Variants in STRADA observed in about 807,000 individuals in gnomAD.
The protein encoded by STRADA is STE20-related kinase adapter protein alpha.
STRADA carries 26 observed loss-of-function variants against 55.0 expected under a neutral mutation model. The observed-to-expected ratio is 0.47, with a 90% CI of 0.35 to 0.66. The LOEUF (loss-of-function observed/expected upper bound fraction) is 0.66, where lower values mean the gene tolerates loss of function less well. Ranked by LOEUF, STRADA falls within the 30% of genes least tolerant of loss-of-function variation. STRADA has a pLI of 0.01. For missense variants in STRADA, 443 were observed against 549.7 expected, an observed-to-expected ratio of 0.81 and a Z score of 1.94; for synonymous variants, 197 against 210.9, an observed-to-expected ratio of 0.93 and a Z score of 0.57.
At chr17:63,713,560 C>T in intron 5 of STRADA, 33 bp from the exon 6 acceptor site, 1 of 1,598,278 alleles carries the variant, frequency 6.3e-7, no homozygotes, top group Non-Finnish European at 8.5e-7. Context: ...TACGCAAGGA[C>T]AAGAACAACA....
Position 63,703,291 on chromosome 17 carries a change from C to A in STRADA, c.*308G>T. On this transcript the variant is annotated 3_prime_UTR_variant, in exon 13 of 13. Coordinates refer to ENST00000336174, the MANE Select transcript of STRADA (RefSeq NM_001003787.4). ...GGAGCCAAACCCTGGGCTTGGAATT[C>A]AGCTCCCAGGGCCAGAGCAGCATCT... 1 of 260,670 alleles carries A rather than the reference C, an allele frequency of 3.8e-6. No individual in the cohort carries two copies. Among genetic ancestry groups the A allele is most frequent in the Non-Finnish European group, 7.4e-6 (1 of 135,386 alleles). The allele number at this position is 260,670 out of a possible 1,614,324, so 16.1% of individuals were successfully genotyped here.
chr17:63,740,127 T>TATATATATATACAC (rs1246578359), intron 1 of STRADA, among the ~76,000 whole-genome samples: 1 of 53,162 alleles, frequency 1.9e-5, no homozygotes, highest in Non-Finnish European at 3.3e-5. Context: ...CATATATATA[T>TATATATATATACAC]ACACATACAT....
At chr17:63,740,271 G>A (rs1387728986) in intron 1 of STRADA, among the ~76,000 whole-genome samples, 1 of 151,300 alleles carries the variant, frequency 6.6e-6, no homozygotes, top group Non-Finnish European at 1.5e-5. Flanking sequence ...AGCACTTTGG[G>A]AGGTCGAGGC....
intron 4 of STRADA, among the ~76,000 whole-genome samples, chr17:63,721,768 G>T (rs1421915093): frequency 6.6e-6 from 1 of 151,588 alleles, no homozygotes; most frequent in Non-Finnish European, 1.5e-5. Flanking sequence ...CTGGCAATAT[G>T]AGCTCACAGG....
At position 63,707,381 on chromosome 17, in the gene STRADA, C is replaced by G. The variant is rs745739301; in HGVS notation, c.619G>C (p.Gly207Arg). The change falls in exon 9 of 13, where the codon GGG (glycine) becomes CGG (arginine). Residue 207 changes from glycine to arginine, a missense_variant. By Grantham distance (125) the Gly-to-Arg change is moderately radical (BLOSUM62 -2). Transcript: ENST00000336174. ...KASHILISVD[G>R]KVYLSGLRSN... ...CGCAAACCAGACAGGTAGACCTTCC[C>G]ATCCACAGAGATCAGGATGTGGCTG... The G allele has an allele frequency of 3.1e-6, 5 of 1,614,154 alleles. No homozygotes were observed. In the East Asian group the frequency reaches 8.9e-5, roughly 29 times the overall value.
At chr17:63,730,706 GCAC>G (rs936936464) in intron 1 of STRADA, among the ~76,000 whole-genome samples, 4 of 151,868 alleles carry the variant, frequency 2.6e-5, no homozygotes, top group African/African-American at 9.7e-5. Flanking sequence ...ATAGGTACGC[GCAC>G]CACTACACCT....
chr17:63,734,998 A>G (rs1163206641), intron 1 of STRADA, among the ~76,000 whole-genome samples: 1 of 152,144 alleles, frequency 6.6e-6, no homozygotes, highest in Non-Finnish European at 1.5e-5. Context: ...TCTCTAATAA[A>G]AAATATAAAA....
At chr17:63,713,298 A>G (rs2036629217) in intron 6 of STRADA, 108 bp downstream of exon 6, 3 of 1,472,386 alleles carry the variant, frequency 2.0e-6, no homozygotes, top group Non-Finnish European at 2.7e-6. Context: ...GAAAGCTTCC[A>G]TAACTTCCGA....
chr17:63,733,443 C>T (rs1447673188), intron 1 of STRADA, among the ~76,000 whole-genome samples: 3 of 150,960 alleles, frequency 2.0e-5, no homozygotes, highest in African/African-American at 7.3e-5. Flanking sequence ...TCTTGTTTAT[C>T]TTATTTTTCA....
chr17:63,704,923 C>G, intron 10 of STRADA: 2 of 1,534,968 alleles, frequency 1.3e-6, no homozygotes, highest in African/African-American at 2.7e-5. Context: ...AGGGAAGGAG[C>G]AGTCAGATGA....
Position 63,703,161 on chromosome 17 carries a change from C to A in STRADA, c.*438G>T. 6.1e-6 allele frequency: 1 copy of A among 163,004 alleles called. No homozygotes were observed. Among genetic ancestry groups the A allele is most frequent in the Non-Finnish European group, 1.4e-5 (1 of 73,886 alleles). The allele number at this position is 163,004 out of a possible 1,614,324, so 10.1% of individuals were successfully genotyped here. A position where few individuals can be genotyped will look rare whatever the true frequency, so the allele number is the denominator to read the frequency against. Reference sequence around the variant, plus strand: ...GGGAAGGGAGGCAGGCAGCTTACTACTTGCCCTTTCACTGACCTATAGCAT... The same window carrying A: ...GGGAAGGGAGGCAGGCAGCTTACTAATTGCCCTTTCACTGACCTATAGCAT... On this transcript the variant is annotated 3_prime_UTR_variant, in exon 13 of 13. Transcript: ENST00000336174.
chr17:63,717,588 C>T (rs2036985992), intron 4 of STRADA, among the ~76,000 whole-genome samples: 1 of 152,164 alleles, frequency 6.6e-6, no homozygotes, highest in South Asian at 2.1e-4. Flanking sequence ...TCAAGTGATT[C>T]TCCTGCCTCA....
Position 63,707,406 on chromosome 17 carries a change from G to A in STRADA, c.594C>T (p.Ala198=). Residue 198 remains alanine (A), a synonymous_variant, in exon 9 of 13, where the codon GCC becomes GCT. Coordinates refer to ENST00000336174, the MANE Select transcript of STRADA (RefSeq NM_001003787.4). ...CATCCACAGAGATCAGGATGTGGCT[G>A]GCTTTGACACTCCTGGGGAAGCGGG... The part of the protein sequence containing the change: ...HMGYVHRSVK[A]SHILISVDGK... The A allele has an allele frequency of 6.2e-7, 1 of 1,613,754 alleles. No individual in the cohort carries two copies. Among genetic ancestry groups the A allele is most frequent in the South Asian group, 1.1e-5 (1 of 91,084 alleles).
chr17:63,726,555 A>T, intron 3 of STRADA, 83 bp downstream of exon 3: 1 of 1,355,960 alleles, frequency 7.4e-7, no homozygotes, highest in Non-Finnish European at 1.0e-6. Context: ...TAGAATTGCC[A>T]ATTGCTATAG....
At chr17:63,716,699 C>G (rs1037352706) in intron 4 of STRADA, among the ~76,000 whole-genome samples, 2 of 152,174 alleles carry the variant, frequency 1.3e-5, no homozygotes, top group Non-Finnish European at 1.5e-5. Flanking sequence ...AGCACACTCT[C>G]TCATGGAGGA....
chr17:63,714,202 G>A (rs750567386), intron 4 of STRADA, 94 bp from the exon 5 acceptor site: 133 of 847,044 alleles, frequency 1.6e-4, no homozygotes, highest in Non-Finnish European at 2.5e-4. Flanking sequence ...GAGGAGACTG[G>A]CATCTAAACA....
intron 3 of STRADA, 182 bp from the exon 4 acceptor site, chr17:63,723,508 CAGAG>C: frequency 1.6e-6 from 1 of 639,036 alleles, no homozygotes; most frequent in South Asian, 1.9e-5. Context: ...AAAAATGCTG[CAGAG>C]AGATAGGGCT....
intron 1 of STRADA, among the ~76,000 whole-genome samples, chr17:63,736,212 C>T (rs1457547942): frequency 1.3e-4 from 20 of 152,188 alleles, no homozygotes; most frequent in Non-Finnish European, 2.2e-4. Context: ...GCTGGGATTA[C>T]AGGCATGAGC....
At chr17:63,739,780 A>ATTATATATG (rs1192139059) in intron 1 of STRADA, among the ~76,000 whole-genome samples, 2 of 140,620 alleles carry the variant, frequency 1.4e-5, no homozygotes, top group African/African-American at 5.3e-5. Context: ...ATGTACATAT[A>ATTATATATG]TACATATAAT....
Sources: gnomAD v4.1 joint callset for allele counts (sites outside exome capture counted in the v4.1 genomes callset) on GRCh38, gnomAD v4.1.1 for gene constraint, MANE v1.5 for transcripts, NCBI Gene and HGNC (gene_info 2026-07-23, HGNC 2026-07-21) for gene names.